Variants in PHF21B observed in about 807,000 individuals in gnomAD.
The protein encoded by PHF21B is PHD finger protein 21B, also known as PHD finger protein 4.
Under a neutral mutation model 62.2 loss-of-function variants are expected in PHF21B, and 22 were observed. The ratio of observed to expected loss-of-function variants is 0.35; its 90% CI spans 0.25 to 0.51. The LOEUF is 0.51. Among genes scored for constraint, PHF21B ranks in the 20% least tolerant of loss-of-function variants. The pLI is 0.97. For synonymous variants in PHF21B, 341 were observed against 314.7 expected, an observed-to-expected ratio of 1.08 and a Z score of -0.88; for missense variants, 701 against 707.9, an observed-to-expected ratio of 0.99 and a Z score of 0.11.
chr22:44,986,378 CCCATCACCAGGAGCACCA>C (rs1221032314), intron 2 of PHF21B, among the ~76,000 whole-genome samples: 1 of 150,810 alleles, frequency 6.6e-6, no homozygotes, highest in Non-Finnish European at 1.5e-5. Context: ...CACCATGACA[CCCATCACCAGGAGCACCA>C]CCATCACCAT....
intron 2 of PHF21B, among the ~76,000 whole-genome samples, chr22:44,943,708 T>C (rs2072008197): frequency 6.6e-6 from 1 of 152,122 alleles, no homozygotes; most frequent in Admixed American, 6.5e-5. Flanking sequence ...GCCGGGCACA[T>C]GACAGCGACT....
intron 2 of PHF21B, among the ~76,000 whole-genome samples, chr22:44,984,378 A>G (rs2072911036): frequency 6.6e-6 from 1 of 151,884 alleles, no homozygotes; most frequent in African/African-American, 2.4e-5. Flanking sequence ...GCCAGGGAAA[A>G]GGTTAACCTT....
At chr22:44,933,778 C>T (rs529495966) in intron 2 of PHF21B, among the ~76,000 whole-genome samples, 2 of 152,112 alleles carry the variant, frequency 1.3e-5, no homozygotes, top group Admixed American at 1.3e-4. Context: ...GAGACAGACA[C>T]ATGACTGCCC....
rs191521156 is a variant in PHF21B, at chr22:44,897,313, G to T, written c.832-1230C>A. On this transcript the variant is annotated intron_variant, in intron 5 of 12. Transcript: ENST00000313237. ...CCCCGAGCCCCTACCCTGCGGTGTA[G>T]CCACCCCGTATCATTCCCTGCCTTG... Among the ~76,000 whole-genome samples the T allele has an allele frequency of 2.6e-3, 402 of 152,212 alleles. 2 individuals are homozygous for T. Among genetic ancestry groups the T allele is most frequent in the African/African-American group, 9.3e-3 (388 of 41,536 alleles).
chr22:44,904,625 G>A lies in PHF21B; in HGVS notation c.832-8542C>T, dbSNP rs1031585497. On this transcript the variant is annotated intron_variant, in intron 5 of 12. Coordinates refer to ENST00000313237, the MANE Select transcript of PHF21B (RefSeq NM_138415.5). The stretch of plus-strand genomic sequence containing the variant: ...GGATTTCAGACATGAGCAGAGCATC[G>A]GCAGACTGGGCAAGAAGTGTTAGTG... Among the ~76,000 whole-genome samples the A allele has an allele frequency of 1.9e-4, 25 of 134,250 alleles. 2 individuals carry two copies. The highest frequency in any genetic ancestry group is 5.3e-4 in the African/African-American group (19 of 35,780). 88.1% of individuals were successfully genotyped at this position (134,250 alleles called of 152,430 possible). A position where few individuals can be genotyped will look rare whatever the true frequency, so the allele number is the denominator to read the frequency against.
chr22:44,992,012 G>A (rs1281853917), intron 2 of PHF21B, among the ~76,000 whole-genome samples: 2 of 152,228 alleles, frequency 1.3e-5, no homozygotes, highest in Non-Finnish European at 2.9e-5. Flanking sequence ...CGTTGGGGGA[G>A]CGCACTTGGT....
In PHF21B at chr22:44,893,404, G is replaced by A. The variant is rs375582032; in HGVS notation, c.960+53C>T. ...GGCCCTGGGACTTTTCCTGGAGGCT[G>A]TGCACTGGGAGCCCCCACCCTCCTG... On this transcript the variant is annotated intron_variant, in intron 7 of 12. Transcript: ENST00000313237. The A allele has an allele frequency of 1.2e-5, 19 of 1,528,286 alleles. No individual in the cohort carries two copies. In the Admixed American group the frequency reaches 1.7e-4, roughly 14 times the overall value. The allele number at this position is 1,528,286 out of a possible 1,614,324, so 94.7% of individuals were successfully genotyped here. A position where few individuals can be genotyped will look rare whatever the true frequency, so the allele number is the denominator to read the frequency against.
At chr22:44,892,366 A>G (rs542153066) in intron 7 of PHF21B, among the ~76,000 whole-genome samples, 1 of 152,368 alleles carries the variant, frequency 6.6e-6, no homozygotes, top group East Asian at 1.9e-4. Flanking sequence ...TGATGAGGCC[A>G]GAGGACGCCC....
At chr22:44,974,648 C>CTATG (rs1413356838) in intron 2 of PHF21B, among the ~76,000 whole-genome samples, 2 of 152,160 alleles carry the variant, frequency 1.3e-5, no homozygotes. Flanking sequence ...CTCATAGATG[C>CTATG]AGCCTGGTGC....
intron 2 of PHF21B, among the ~76,000 whole-genome samples, chr22:44,975,014 G>T (rs78937509): frequency 1.3e-5 from 2 of 152,082 alleles, no homozygotes; most frequent in Middle Eastern, 6.8e-3. Flanking sequence ...TCCTCCTGTC[G>T]GTCTCTGTCT....
intron 2 of PHF21B, among the ~76,000 whole-genome samples, chr22:44,993,642 C>T (rs1380148485): frequency 5.3e-5 from 8 of 152,246 alleles, no homozygotes; most frequent in Admixed American, 2.0e-4. Context: ...ATTTTAGCCA[C>T]TTCACAGATG....
intron 2 of PHF21B, among the ~76,000 whole-genome samples, chr22:44,956,811 C>T (rs893092530): frequency 5.3e-5 from 8 of 152,218 alleles, no homozygotes; most frequent in South Asian, 2.1e-4. Flanking sequence ...GACAGAGGCC[C>T]CTCCACGCGG....
At chr22:44,889,638 A>G in intron 9 of PHF21B, 122 bp downstream of exon 9, 1 of 1,245,652 alleles carries the variant, frequency 8.0e-7, no homozygotes, top group South Asian at 1.5e-5. Flanking sequence ...CTAAAGGCAG[A>G]ACCGAAAGGC....
intron 7 of PHF21B, 42 bp downstream of exon 7, chr22:44,893,415 G>A: frequency 1.9e-6 from 3 of 1,549,656 alleles, no homozygotes; most frequent in Non-Finnish European, 2.6e-6. Context: ...TGCACTGGGA[G>A]CCCCCACCCT....
rs747473163 is a variant in PHF21B at position 44,885,574 on chromosome 22, G to A, written c.1274-45C>T. ...GTCCCTGGAGAGGGGCAGGTAAGGA[G>A]CGGCTGGGTCGTAGAGTAAATGGGA... On this transcript the variant is annotated intron_variant, in intron 11 of 12. Transcript: ENST00000313237. The A allele has an allele frequency of 6.5e-6, 10 of 1,532,536 alleles. No individual in the cohort carries two copies. The Admixed American group carries it at 1.2e-4, about 18-fold the overall frequency. 94.9% of individuals were successfully genotyped at this position (1,532,536 alleles called of 1,614,324 possible).
intron 2 of PHF21B, among the ~76,000 whole-genome samples, chr22:44,990,896 A>AG (rs1489168583): frequency 2.6e-5 from 4 of 152,240 alleles, no homozygotes; most frequent in Non-Finnish European, 5.9e-5. Flanking sequence ...AGTGTGACCG[A>AG]GGAAAAAAGG....
At chr22:44,910,030 C>A (rs1215592677) in intron 5 of PHF21B, among the ~76,000 whole-genome samples, 5 of 152,196 alleles carry the variant, frequency 3.3e-5, no homozygotes, top group African/African-American at 9.7e-5. Flanking sequence ...TCCTGATGTC[C>A]CTAGCCTTTG....
chr22:44,911,114 T>C, intron 5 of PHF21B, among the ~76,000 whole-genome samples: 1 of 152,166 alleles, frequency 6.6e-6, no homozygotes, highest in East Asian at 1.9e-4. Flanking sequence ...TTGAGAGAGA[T>C]GATTTAGGGT....
chr22:44,924,406 G>A (rs905187690), intron 2 of PHF21B, among the ~76,000 whole-genome samples: 3 of 152,170 alleles, frequency 2.0e-5, no homozygotes, highest in African/African-American at 4.8e-5. Context: ...TGAACAGAAC[G>A]TATGTGTCCT....
Sources: gnomAD v4.1 joint callset for allele counts (sites outside exome capture counted in the v4.1 genomes callset) on GRCh38, gnomAD v4.1.1 for gene constraint, MANE v1.5 for transcripts, NCBI Gene and HGNC (gene_info 2026-07-23, HGNC 2026-07-21) for gene names.